KRTAP4-7: variants seen among roughly 807,000 people sequenced by gnomAD.
KRTAP4-7 encodes the protein putative keratin-associated protein 4-X.
In KRTAP4-7, 1 loss-of-function variant was observed where a neutral mutation model predicts 3.0. The observed-to-expected ratio is 0.33, with a 90% CI of 0.12 to 1.57. KRTAP4-7 has a LOEUF of 1.57. Among genes scored for constraint, KRTAP4-7 ranks in the 40% most tolerant of loss-of-function variants. The probability of loss-of-function intolerance (pLI) is 0.37; values close to 1 mark genes in which losing one functional copy is unlikely to be tolerated. For missense variants in KRTAP4-7, 199 were observed against 209.1 expected (o/e 0.95, Z 0.30); for synonymous variants, 70 against 74.6 (o/e 0.94, Z 0.32).
chr17:41,084,683 C>T lies in KRTAP4-7; in HGVS notation c.*9C>T, dbSNP rs755871401. 14 of 1,577,516 alleles carry T rather than the reference C, an allele frequency of 8.9e-6. No homozygotes were observed. The African/African-American group carries it at 1.6e-4, about 18-fold the overall frequency. The stretch of plus-strand genomic sequence containing the variant: ...CCTCCTCTTGCTGCTGAGCCCACTG[C>T]CCTGGCTCACGTCCCCCTTCACCAC... On this transcript the variant is annotated 3_prime_UTR_variant, in exon 1 of 1. Coordinates refer to ENST00000391417, the Ensembl canonical transcript of KRTAP4-7.
At chr17:41,084,219 T>G (rs756743165) in exon 1 of KRTAP4-7, 1 of 1,607,842 alleles carries the variant, frequency 6.2e-7, no homozygotes, top group African/African-American at 1.3e-5. Context: ...GGTCAGCTCC[T>G]GTTGTGGCTC....
exon 1 of KRTAP4-7, chr17:41,084,230 C>G (rs754460309): frequency 5.6e-6 from 9 of 1,610,684 alleles, no homozygotes; most frequent in Non-Finnish European, 7.6e-6. Flanking sequence ...GTTGTGGCTC[C>G]GTGTGCTCTG....
In KRTAP4-7 at chr17:41,084,696, C is replaced by G. The variant is rs189443395; in HGVS notation, c.*22C>G. On this transcript the variant is annotated 3_prime_UTR_variant, in exon 1 of 1. Coordinates refer to ENST00000391417, the Ensembl canonical transcript of KRTAP4-7. ...CTGAGCCCACTGCCCTGGCTCACGT[C>G]CCCCTTCACCACTGGCCCACAGATG... The G allele has an allele frequency of 1.2e-3, 1,874 of 1,565,290 alleles. 18 individuals are homozygous for G. The highest frequency in any genetic ancestry group is 8.3e-3 in the South Asian group (707 of 84,838).
chr17:41,084,405 C>T, exon 1 of KRTAP4-7: 1 of 1,419,966 alleles, frequency 7.0e-7, no homozygotes, highest in Non-Finnish European at 9.5e-7. Context: ...CTGCTGTCGC[C>T]CCACCTGCTG....
exon 1 of KRTAP4-7, chr17:41,084,996 G>T: frequency 2.1e-6 from 1 of 477,942 alleles, no homozygotes. Flanking sequence ...CCTTCTCAGT[G>T]AGGTAGATAT....
At chr17:41,084,659 C>G (rs375344767) in exon 1 of KRTAP4-7, 49 of 1,595,088 alleles carry the variant, frequency 3.1e-5, no homozygotes, top group Non-Finnish European at 4.2e-5. Context: ...TGTGCTGTGC[C>G]TCCTCTTGCT....
At chr17:41,084,354 T>C in exon 1 of KRTAP4-7, 1 of 1,608,628 alleles carries the variant, frequency 6.2e-7, no homozygotes, top group Non-Finnish European at 8.5e-7. Context: ...GTCCAGCTGC[T>C]GCAGGCCCCA....
chr17:41,084,174 G>A (rs11658607), exon 1 of KRTAP4-7: 951,445 of 1,536,446 alleles, frequency 0.62, 278,509 homozygotes, highest in Middle Eastern at 0.68. Context: ...CACTCTCTTG[G>A]AAACCCACCC....
At chr17:41,084,773 C>T (rs191231208) in exon 1 of KRTAP4-7, 1 of 1,462,988 alleles carries the variant, frequency 6.8e-7, no homozygotes, top group East Asian at 2.5e-5. Flanking sequence ...GGGTTGATGT[C>T]ATTCAATAGG....
At chr17:41,084,760 G>T (rs1003678505) in exon 1 of KRTAP4-7, 2 of 1,484,582 alleles carry the variant, frequency 1.3e-6, no homozygotes, top group Admixed American at 2.2e-5. Context: ...GATACATGAA[G>T]TGGGGTTGAT....
chr17:41,084,481 C>T (rs759611659), exon 1 of KRTAP4-7: 1 of 1,510,888 alleles, frequency 6.6e-7, no homozygotes, highest in Non-Finnish European at 9.0e-7. Context: ...TGCTGTATGT[C>T]CAGCTGCTGC....
chr17:41,085,013 C>A (rs1409986031), exon 1 of KRTAP4-7: 4 of 416,602 alleles, frequency 9.6e-6, no homozygotes, highest in Non-Finnish European at 1.8e-5. Context: ...ATATTATCTG[C>A]AGGACCAGTT....
exon 1 of KRTAP4-7, chr17:41,084,239 T>C (rs1409660850): frequency 1.2e-6 from 2 of 1,612,694 alleles, no homozygotes; most frequent in African/African-American, 1.3e-5. Flanking sequence ...CCGTGTGCTC[T>C]GACCAGGGCT....
At chr17:41,084,743 C>G in exon 1 of KRTAP4-7, 1 of 1,505,006 alleles carries the variant, frequency 6.6e-7, no homozygotes. Context: ...ACTGTGCTGA[C>G]CATTAGGATA....
exon 1 of KRTAP4-7, chr17:41,084,467 C>T: frequency 6.6e-7 from 1 of 1,516,674 alleles, no homozygotes; most frequent in Middle Eastern, 1.8e-4. Context: ...GCTGCCGCCC[C>T]AGCTGCTGTA....
chr17:41,084,246 G>C lies in KRTAP4-7; in HGVS notation c.40G>C (p.Gly14Arg), dbSNP rs1357656868. ...TTGTGGCTCCGTGTGCTCTGACCAG[G>C]GCTGCAGCCAAGACCTCTGTCAGGA... is the stretch of plus-strand genomic sequence containing the variant. Residue 14 changes from glycine to arginine, a missense_variant, in exon 1 of 1, where the codon GGC becomes CGC. Physicochemically the swap from Gly to Arg is moderately radical, Grantham distance 125 (BLOSUM62 -2). Transcript: ENST00000391417. The C allele has an allele frequency of 2.2e-5, 35 of 1,612,990 alleles. No homozygotes were observed. Among genetic ancestry groups the C allele is most frequent in the Non-Finnish European group, 2.8e-5 (33 of 1,179,598 alleles).
exon 1 of KRTAP4-7, chr17:41,084,734 C>T (rs887443154): frequency 1.3e-6 from 2 of 1,520,684 alleles, no homozygotes; most frequent in Non-Finnish European, 8.8e-7. Flanking sequence ...GACCCTTCTA[C>T]TGTGCTGACC....
exon 1 of KRTAP4-7, chr17:41,084,262 T>G: frequency 1.1e-5 from 18 of 1,613,490 alleles, no homozygotes; most frequent in Non-Finnish European, 1.5e-5. Context: ...AGCCAAGACC[T>G]CTGTCAGGAG....
chr17:41,084,719 A>T (rs1323586873), exon 1 of KRTAP4-7: 1 of 1,543,508 alleles, frequency 6.5e-7, no homozygotes, highest in Non-Finnish European at 8.7e-7. Context: ...TGGCCCACAG[A>T]TGTAGACCCT....
Sources: gnomAD v4.1 joint callset for allele counts on GRCh38, gnomAD v4.1.1 for gene constraint, MANE v1.5 for transcripts, NCBI Gene and HGNC (gene_info 2026-07-23, HGNC 2026-07-21) for gene names.